NUP85: variants seen among roughly 807,000 people sequenced by gnomAD.
The protein encoded by NUP85 is nucleoporin 85, also known as nuclear pore complex protein Nup85.
Under a neutral mutation model 92.8 loss-of-function variants are expected in NUP85, and 23 were observed. The ratio of observed to expected loss-of-function variants is 0.25; its 90% CI spans 0.18 to 0.35. NUP85 has a LOEUF of 0.35. Among genes scored for constraint, NUP85 ranks in the 10% least tolerant of loss-of-function variants. The pLI, the probability that NUP85 is intolerant of heterozygous loss-of-function variation, is 1.00. For synonymous variants in NUP85, 314 were observed against 306.9 expected (o/e 1.02, Z -0.24); for missense variants, 759 against 822.8 (o/e 0.92, Z 0.95).
intron 6 of NUP85, among the ~76,000 whole-genome samples, chr17:75,216,981 G>C (rs1253766018): frequency 1.3e-5 from 2 of 152,140 alleles, no homozygotes; most frequent in East Asian, 3.9e-4. Flanking sequence ...GACCTCCCAG[G>C]CTCAAGCGAT....
At chr17:75,227,016 G>A (rs1385710921) in intron 11 of NUP85, 1 of 233,456 alleles carries the variant, frequency 4.3e-6, no homozygotes, top group African/African-American at 2.2e-5. Flanking sequence ...TCAATCAAAG[G>A]TAAACCTTTC....
intron 1 of NUP85, among the ~76,000 whole-genome samples, chr17:75,207,895 C>T (rs1458458723): frequency 6.6e-6 from 1 of 151,908 alleles, no homozygotes; most frequent in Non-Finnish European, 1.5e-5. Flanking sequence ...GAAGCTGAGG[C>T]AGGAGAATCA....
Position 75,226,082 on chromosome 17 carries a change from G to A in NUP85, c.1019G>A (p.Ser340Asn). 2 of 1,614,146 alleles carry A rather than the reference G, an allele frequency of 1.2e-6. No individual in the cohort carries two copies. The highest frequency in any genetic ancestry group is 1.7e-6 in the Non-Finnish European group (2 of 1,180,022). Residue 340 changes from serine (S) to asparagine (N), a missense_variant, in exon 11 of 19, where the codon AGC (serine) becomes AAC (asparagine). Transcript: ENST00000245544. ...CTGGACCTGTTTCTGGGAGGTGAGAGCAGCCCAGAACCCCTGGACAACATC... is the reference window on the plus strand; with the variant it reads ...CTGGACCTGTTTCTGGGAGGTGAGAACAGCCCAGAACCCCTGGACAACATC... ...SSLDLFLGGE[S>N]SPEPLDNILL...
chr17:75,206,596 G>T (rs2075088729), intron 1 of NUP85, among the ~76,000 whole-genome samples: 1 of 152,052 alleles, frequency 6.6e-6, no homozygotes, highest in Non-Finnish European at 1.5e-5. Flanking sequence ...CTTGTGAGTC[G>T]GTGATTAGCC....
At position 75,233,128 on chromosome 17, in the gene NUP85, A is replaced by G. The variant is rs2076142366; in HGVS notation, c.1585A>G (p.Met529Val). 6.2e-7 allele frequency: 1 copy of G among 1,614,148 alleles called. No homozygotes were observed. The highest frequency in any genetic ancestry group is 8.5e-7 in the Non-Finnish European group (1 of 1,180,028). The change falls in exon 16 of 19, where the codon ATG (methionine) becomes GTG (valine). Residue 529 changes from methionine to valine, a missense_variant. By Grantham distance (21) the Met-to-Val change is conservative. Coordinates refer to ENST00000245544, the MANE Select transcript of NUP85 (RefSeq NM_024844.5). ...TCTCATTGACAACCTGGGGCCAGCC[A>G]TGATGCTCAGTGACCGACTGACATT... ...LDLIDNLGPAMMLSDRLTFLG... is the reference protein window; with the variant it reads ...LDLIDNLGPAVMLSDRLTFLG...
Position 75,225,685 on chromosome 17 carries a change from T to C in NUP85, c.856-13T>C. The C allele has an allele frequency of 6.2e-7, 1 of 1,614,028 alleles. No individual in the cohort carries two copies. Among genetic ancestry groups the C allele is most frequent in the South Asian group, 1.1e-5 (1 of 91,064 alleles). On this transcript the variant is annotated splice_polypyrimidine_tract_variant and intron_variant, in intron 9 of 18. Transcript: ENST00000245544. ...AGAGGAGGACAGAGTTCAGCACAAA[T>C]GTCTCTCCTCAGATTATGCTGGGAG...
At chr17:75,215,487 G>GCC (rs2075402070) in intron 5 of NUP85, among the ~76,000 whole-genome samples, 1 of 152,200 alleles carries the variant, frequency 6.6e-6, no homozygotes, top group Non-Finnish European at 1.5e-5. Context: ...TGGGATTACA[G>GCC]GAATGAGCCA....
chr17:75,232,230 C>T (rs1779333553), intron 14 of NUP85: 2 of 492,972 alleles, frequency 4.1e-6, no homozygotes, highest in East Asian at 7.6e-5. Context: ...CCTTTTCTCA[C>T]ACACTTGATT....
Position 75,205,744 on chromosome 17 carries a change from A to T in NUP85, c.-18A>T, listed in dbSNP as rs1193610414. 1 of 1,613,990 alleles carries T rather than the reference A, an allele frequency of 6.2e-7. No homozygotes were observed. Among genetic ancestry groups the T allele is most frequent in the African/African-American group, 1.3e-5 (1 of 74,912 alleles). On this transcript the variant is annotated 5_prime_UTR_variant, in exon 1 of 19. Coordinates refer to ENST00000245544, the MANE Select transcript of NUP85 (RefSeq NM_024844.5). ...CATTGGCGTCCGAGCGACTTCTAGG[A>T]GCCTGGGGTTCGGCGCTATGGAGGA...
intron 3 of NUP85, among the ~76,000 whole-genome samples, chr17:75,210,838 A>G (rs2075234653): frequency 6.6e-6 from 1 of 151,562 alleles, no homozygotes; most frequent in Non-Finnish European, 1.5e-5. Flanking sequence ...AGTAGCTGGG[A>G]CTACAGGCGC....
chr17:75,235,429 C>G (rs1598371266), intron 18 of NUP85, 149 bp from the exon 19 acceptor site: 1 of 627,316 alleles, frequency 1.6e-6, no homozygotes, highest in Non-Finnish European at 2.8e-6. Context: ...CAGTATGGCC[C>G]TTTGGTATTG....
chr17:75,211,507 A>G (rs1037861129), intron 3 of NUP85, among the ~76,000 whole-genome samples: 2 of 146,358 alleles, frequency 1.4e-5, no homozygotes, highest in African/African-American at 5.1e-5. Context: ...GCTCACTGCA[A>G]CCTCCGCCTG....
chr17:75,213,155 G>A (rs375838001), intron 5 of NUP85, 36 bp downstream of exon 5: 1 of 1,603,912 alleles, frequency 6.2e-7, no homozygotes, highest in African/African-American at 1.3e-5. Flanking sequence ...TAGCACCACT[G>A]TGTCCTGTGT....
rs779471014 is a variant in NUP85 at position 75,213,059 on chromosome 17, G to A, written c.362-17G>A. ...AAGAGTTCCATTGCTCACTTAAAAT[G>A]TTTTGTGTTTTGTTAGTTGCTGCTA... On this transcript the variant is annotated splice_polypyrimidine_tract_variant and intron_variant, in intron 4 of 18. Coordinates refer to ENST00000245544, the MANE Select transcript of NUP85 (RefSeq NM_024844.5). 2.5e-6 allele frequency: 4 copies of A among 1,610,504 alleles called. No individual in the cohort carries two copies. The highest frequency in any genetic ancestry group is 1.7e-6 in the Non-Finnish European group (2 of 1,178,302).
At chr17:75,221,096 G>C (rs769811480) in intron 7 of NUP85, among the ~76,000 whole-genome samples, 1 of 152,104 alleles carries the variant, frequency 6.6e-6, no homozygotes, top group African/African-American at 2.4e-5. Context: ...TGTTAGCCAG[G>C]ATGGTCTCGA....
chr17:75,225,825 C>T lies in NUP85; in HGVS notation c.983C>T (p.Ala328Val). The T allele has an allele frequency of 1.9e-6, 3 of 1,614,104 alleles. No individual in the cohort carries two copies. Among genetic ancestry groups the T allele is most frequent in the South Asian group, 2.2e-5 (2 of 91,076 alleles). ...AAACCCATTGATCTGCACTACTATGCCCAGGTGAGTGAGCTCGGGGTGGGC... is the reference window on the plus strand; with the variant it reads ...AAACCCATTGATCTGCACTACTATGTCCAGGTGAGTGAGCTCGGGGTGGGC... ...TVKPIDLHYY[A>V]QSSLDLFLGG... The change falls in exon 10 of 19, where the codon GCC becomes GTC. Residue 328 changes from alanine to valine, a missense_variant. Coordinates refer to ENST00000245544, the MANE Select transcript of NUP85 (RefSeq NM_024844.5).
At chr17:75,213,219 T>C in intron 5 of NUP85, 100 bp downstream of exon 5, 3 of 982,372 alleles carry the variant, frequency 3.1e-6, no homozygotes, top group Non-Finnish European at 4.7e-6. Context: ...AGAAGTCTCT[T>C]CTTTTCAGGT....
chr17:75,205,755 C>G lies in NUP85; in HGVS notation c.-7C>G. The G allele has an allele frequency of 1.9e-6, 3 of 1,614,138 alleles. No homozygotes were observed. The highest frequency in any genetic ancestry group is 2.5e-6 in the Non-Finnish European group (3 of 1,180,012). On this transcript the variant is annotated 5_prime_UTR_variant, in exon 1 of 19. Transcript: ENST00000245544. ...GAGCGACTTCTAGGAGCCTGGGGTT[C>G]GGCGCTATGGAGGAGCTCGATGGCG...
chr17:75,232,000 G>C lies in NUP85; in HGVS notation c.1396+21G>C. Reference sequence around the variant, plus strand: ...ACAAGGTGAGCTGGCCCTGCTCCCAGCCTACTGTCTGTGGGACGCAGGAGT... The same window carrying C: ...ACAAGGTGAGCTGGCCCTGCTCCCACCCTACTGTCTGTGGGACGCAGGAGT... On this transcript the variant is annotated intron_variant, in intron 14 of 18. Transcript: ENST00000245544. The surrounding 1 kb of genome is among the most constrained non-coding windows in gnomAD (Gnocchi z 4.6). 1 of 1,613,444 alleles carries C rather than the reference G, an allele frequency of 6.2e-7. No homozygotes were observed. The highest frequency in any genetic ancestry group is 8.5e-7 in the Non-Finnish European group (1 of 1,179,796).
Sources: gnomAD v4.1 joint callset for allele counts (sites outside exome capture counted in the v4.1 genomes callset) on GRCh38, gnomAD v4.1.1 for gene constraint, Gnocchi (gnomAD v3.1) non-coding constraint, MANE v1.5 for transcripts, NCBI Gene and HGNC (gene_info 2026-07-23, HGNC 2026-07-21) for gene names.